Variants in CNOT1 observed in about 807,000 individuals in gnomAD.
The protein encoded by CNOT1 is CCR4-associated factor 1.
A neutral mutation model predicts 273.8 loss-of-function variants in CNOT1; 15 were observed. That is an observed-to-expected ratio of 0.05 (90% CI 0.04 to 0.08). The LOEUF (loss-of-function observed/expected upper bound fraction) is 0.08, where lower values mean the gene tolerates loss of function less well. Ranked by LOEUF, CNOT1 falls within the 10% of genes least tolerant of loss-of-function variation. CNOT1 has a pLI of 1.00. For synonymous variants in CNOT1, 1,022 were observed against 1,005.5 expected, an observed-to-expected ratio of 1.02 and a Z score of -0.31; for missense variants, 1,644 against 2,912.2, an observed-to-expected ratio of 0.56 and a Z score of 10.02.
intron 16 of CNOT1, among the ~76,000 whole-genome samples, chr16:58,561,223 C>A (rs985356461): frequency 6.6e-6 from 1 of 152,160 alleles, no homozygotes; most frequent in Non-Finnish European, 1.5e-5. Context: ...AAATTTCTGC[C>A]ACATCCCATC....
intron 28 of CNOT1, 84 bp from the exon 29 acceptor site, chr16:58,546,582 G>C (rs2040262349): frequency 3.1e-6 from 5 of 1,607,396 alleles, no homozygotes. Context: ...AGTTATTATA[G>C]TACTTCCCCC....
At chr16:58,522,794 G>C (rs1401035448) in intron 47 of CNOT1, among the ~76,000 whole-genome samples, 1 of 152,186 alleles carries the variant, frequency 6.6e-6, no homozygotes, top group Admixed American at 6.5e-5. Context: ...ATCAAAATGT[G>C]CCTTGTGGTA....
intron 22 of CNOT1, among the ~76,000 whole-genome samples, chr16:58,552,949 G>C (rs374405522): frequency 6.6e-6 from 1 of 152,074 alleles, no homozygotes; most frequent in African/African-American, 2.4e-5. Context: ...TATTCCTTAC[G>C]TCTATTTTCC....
Position 58,582,805 on chromosome 16 carries a change from A to C in CNOT1, c.1032T>G (p.Val344=). The change falls in exon 10 of 49, where the codon GTT becomes GTG. Residue 344 remains valine, a synonymous_variant. Transcript: ENST00000317147. Reference sequence around the variant, plus strand: ...CACATATACTCACCAGTTCTTTAAGAACGTCAATCAAGACTTCTACATTCC... The same window carrying C: ...CACATATACTCACCAGTTCTTTAAGCACGTCAATCAAGACTTCTACATTCC... The part of the protein sequence containing the change: ...HTWNVEVLID[V]LKELNPSLNF... 6.9e-7 allele frequency: 1 copy of C among 1,451,472 alleles called. No individual in the cohort carries two copies. Among genetic ancestry groups the C allele is most frequent in the Non-Finnish European group, 9.7e-7 (1 of 1,031,654 alleles). The allele number at this position is 1,451,472 out of a possible 1,614,324, so 89.9% of individuals were successfully genotyped here.
rs541462080 is a variant in CNOT1, at chr16:58,596,626, G to A, written c.102+2610C>T. Among the ~76,000 whole-genome samples, 74 of 152,230 alleles carry A rather than the reference G, an allele frequency of 4.9e-4. 1 individual carries two copies. The highest frequency in any genetic ancestry group is 9.8e-4 in the Admixed American group (15 of 15,286). On this transcript the variant is annotated intron_variant, in intron 2 of 48. Transcript: ENST00000317147. ...TTTACCGCTGGGCACAGTGGCTCAT[G>A]CCTGTAATCCCAGCACTTTGGGAGG...
intron 25 of CNOT1, among the ~76,000 whole-genome samples, 188 bp downstream of exon 25, chr16:58,549,530 CA>C (rs1164739877): frequency 6.6e-6 from 1 of 152,152 alleles, no homozygotes; most frequent in Admixed American, 6.5e-5. Context: ...AGAAAAGGCA[CA>C]GGGTATGCCT....
At chr16:58,589,405 C>T (rs755958338) in intron 2 of CNOT1, among the ~76,000 whole-genome samples, 6 of 151,980 alleles carry the variant, frequency 3.9e-5, no homozygotes, top group Non-Finnish European at 8.8e-5. Flanking sequence ...CCCAGCTACT[C>T]GCGAGGCTGA....
At chr16:58,601,249 C>G (rs952910384) in intron 1 of CNOT1, among the ~76,000 whole-genome samples, 2 of 152,200 alleles carry the variant, frequency 1.3e-5, no homozygotes, top group African/African-American at 4.8e-5. Context: ...AGCCATGGAG[C>G]CCACATCCTG....
At chr16:58,628,035 C>T (rs1425673287) in intron 1 of CNOT1, among the ~76,000 whole-genome samples, 1 of 152,110 alleles carries the variant, frequency 6.6e-6, no homozygotes, top group Non-Finnish European at 1.5e-5. Flanking sequence ...GACATGTTGG[C>T]CAGGCTGGTC....
intron 25 of CNOT1, among the ~76,000 whole-genome samples, chr16:58,548,866 C>T (rs1000722272): frequency 1.3e-5 from 2 of 152,208 alleles, no homozygotes; most frequent in African/African-American, 4.8e-5. Flanking sequence ...TTGAATACTA[C>T]AAGATACAAA....
At chr16:58,624,817 G>GA in intron 1 of CNOT1, 1 of 152,122 alleles carries the variant, frequency 6.6e-6, no homozygotes, top group African/African-American at 2.4e-5. Context: ...ACAAACAAAC[G>GA]AAAAAACTCA....
rs1332234190 is a variant in CNOT1 at position 58,553,818 on chromosome 16, G to A, written c.2934C>T (p.Ile978=). 1.9e-6 allele frequency: 3 copies of A among 1,611,578 alleles called. No individual in the cohort carries two copies. The highest frequency in any genetic ancestry group is 2.5e-6 in the Non-Finnish European group (3 of 1,179,438). The change falls in exon 22 of 49, where the codon ATC becomes ATT. Residue 978 remains isoleucine (I), a synonymous_variant. Coordinates refer to ENST00000317147, the MANE Select transcript of CNOT1 (RefSeq NM_016284.5). The part of the protein sequence containing the change: ...YPQYCQHLAS[I]SHFMQFPHHL... ...GATGTGGAAATTGCATAAAGTGACT[G>A]ATAGAAGCCAAATGCTGACAATACT...
intron 35 of CNOT1, 130 bp from the exon 36 acceptor site, chr16:58,539,044 A>G (rs1259557873): frequency 2.9e-6 from 4 of 1,373,968 alleles, no homozygotes; most frequent in South Asian, 1.5e-5. Flanking sequence ...TCCACTCTCC[A>G]AACATCCCTT....
Position 58,536,937 on chromosome 16 carries a change from T to C in CNOT1, c.5646+52A>G, listed in dbSNP as rs756820241. ...ATACTGAGCTTTAATATTGGAGGCA[T>C]CACACCCTACTTATGTTGAATAAAA... is the stretch of plus-strand genomic sequence containing the variant. On this transcript the variant is annotated intron_variant, in intron 39 of 48. Coordinates refer to ENST00000317147, the MANE Select transcript of CNOT1 (RefSeq NM_016284.5). 5.0e-6 allele frequency: 8 copies of C among 1,596,042 alleles called. No homozygotes were observed. The Middle Eastern group carries it at 5.1e-4, about 101-fold the overall frequency.
At chr16:58,623,026 C>T (rs755605967) in intron 1 of CNOT1, among the ~76,000 whole-genome samples, 31 of 151,562 alleles carry the variant, frequency 2.0e-4, no homozygotes, top group Non-Finnish European at 3.7e-4. Context: ...GGCAAAACCC[C>T]GTCTCTACTA....
intron 21 of CNOT1, among the ~76,000 whole-genome samples, chr16:58,554,795 G>A (rs1360254638): frequency 2.6e-5 from 4 of 151,926 alleles, no homozygotes; most frequent in Non-Finnish European, 1.5e-5. Context: ...AATTAGCTGG[G>A]TGCAGTGGCA....
Position 58,551,274 on chromosome 16 carries a change from TAAA to T in CNOT1, c.3202-5_3202-3del. 1.6e-6 allele frequency: 2 copies of T among 1,246,336 alleles called. No individual in the cohort carries two copies. The highest frequency in any genetic ancestry group is 2.2e-6 in the Non-Finnish European group (2 of 917,466). The allele number at this position is 1,246,336 out of a possible 1,614,324, so 77.2% of individuals were successfully genotyped here. ...TATATTTGTAGTATTAATAGAAGGC[TAAA>T]AAAAAAAAATAAAGTACATAAGGCA... is the stretch of plus-strand genomic sequence containing the variant. On this transcript the variant is annotated splice_polypyrimidine_tract_variant and splice_region_variant and intron_variant, in intron 23 of 48. Coordinates refer to ENST00000317147, the MANE Select transcript of CNOT1 (RefSeq NM_016284.5).
intron 42 of CNOT1, 27 bp from the exon 43 acceptor site, chr16:58,530,374 A>G: frequency 6.5e-7 from 1 of 1,548,962 alleles, no homozygotes; most frequent in East Asian, 2.3e-5. Flanking sequence ...TACATGAGTC[A>G]TAATTATACT....
At chr16:58,583,945 G>A (rs2041745678) in intron 8 of CNOT1, among the ~76,000 whole-genome samples, 1 of 149,858 alleles carries the variant, frequency 6.7e-6, no homozygotes, top group African/African-American at 2.5e-5. Context: ...GAGGCGGGTG[G>A]ATCACGAGGT....
Sources: gnomAD v4.1 joint callset for allele counts (sites outside exome capture counted in the v4.1 genomes callset) on GRCh38, gnomAD v4.1.1 for gene constraint, MANE v1.5 for transcripts, NCBI Gene and HGNC (gene_info 2026-07-23, HGNC 2026-07-21) for gene names.